POU2AF1: variants seen among roughly 807,000 people sequenced by gnomAD.
The protein encoded by POU2AF1 is POU domain class 2-associating factor 1.
In POU2AF1, 12 loss-of-function variants were observed where a neutral mutation model predicts 26.3. That is an observed-to-expected ratio of 0.46 (90% CI 0.29 to 0.74). The LOEUF is 0.74. Among genes scored for constraint, POU2AF1 ranks in the 30% least tolerant of loss-of-function variants. The probability of loss-of-function intolerance (pLI) is 0.09; values close to 1 mark genes in which losing one functional copy is unlikely to be tolerated. For missense variants in POU2AF1, 297 were observed against 334.5 expected (o/e 0.89, Z 0.87); for synonymous variants, 175 against 148.0 (o/e 1.18, Z -1.32).
At chr11:111,357,745 C>T (rs1451537005) in intron 3 of POU2AF1, 35 bp from the exon 4 acceptor site, 5 of 1,611,938 alleles carry the variant, frequency 3.1e-6, no homozygotes, top group Non-Finnish European at 4.2e-6. Flanking sequence ...ACTTCAGATG[C>T]CACCCAGATG....
intron 1 of POU2AF1, among the ~76,000 whole-genome samples, chr11:111,374,657 T>C (rs190553935): frequency 2.2e-4 from 34 of 152,296 alleles, no homozygotes; most frequent in Non-Finnish European, 4.1e-4. Context: ...CTTGCACCAC[T>C]ACATTGCAGC....
chr11:111,359,831 T>C (rs1345422985), intron 1 of POU2AF1, among the ~76,000 whole-genome samples: 1 of 152,224 alleles, frequency 6.6e-6, no homozygotes, highest in African/African-American at 2.4e-5. Context: ...GCTCAGTTGA[T>C]ACTTATTGAT....
Position 111,357,802 on chromosome 11 carries a change from G to A in POU2AF1, c.183C>T (p.Thr61=), listed in dbSNP as rs748556830. Residue 61 remains threonine, a synonymous_variant, in exon 3 of 5, where the codon ACC becomes ACT. Transcript: ENST00000393067. ...VLPHQPLATY[T]TVGPSCLDME... is the part of the protein sequence containing the mutation. Reference sequence around the variant, plus strand: ...GCTACGGGGCACTCTTACCCACTGTGGTGTAGGTCGCCAGGGGCTGATGGG... The same window carrying A: ...GCTACGGGGCACTCTTACCCACTGTAGTGTAGGTCGCCAGGGGCTGATGGG... 1.9e-6 allele frequency: 3 copies of A among 1,613,040 alleles called. No homozygotes were observed. The highest frequency in any genetic ancestry group is 2.7e-5 in the African/African-American group (2 of 74,896).
In POU2AF1 at chr11:111,368,939, G is replaced by A. The variant is rs147830720; in HGVS notation, c.17-10021C>T. Among the ~76,000 whole-genome samples the A allele has an allele frequency of 1.7e-3, 254 of 152,306 alleles. 2 individuals are homozygous for A. The highest frequency in any genetic ancestry group is 3.2e-3 in the Admixed American group (49 of 15,306). Reference sequence around the variant, plus strand: ...AACAATCCATGGCCCATCTGTCATCGGAGAAGTAGCCTTGGTACAGTGACC... The same window carrying A: ...AACAATCCATGGCCCATCTGTCATCAGAGAAGTAGCCTTGGTACAGTGACC... On this transcript the variant is annotated intron_variant, in intron 1 of 4. Coordinates refer to ENST00000393067, the MANE Select transcript of POU2AF1 (RefSeq NM_006235.3).
In POU2AF1 at chr11:111,363,431, C is replaced by CA. The variant is rs1443095404; in HGVS notation, c.17-4514dup. 131 of 1,013,876 alleles carry CA rather than the reference C, an allele frequency of 1.3e-4. No individual in the cohort carries two copies. In the Middle Eastern group the frequency reaches 1.4e-3, roughly 11 times the overall value. 62.8% of individuals were successfully genotyped at this position (1,013,876 alleles called of 1,614,324 possible). On this transcript the variant is annotated intron_variant, in intron 1 of 4. Coordinates refer to ENST00000393067, the MANE Select transcript of POU2AF1 (RefSeq NM_006235.3). ...AACTTGCAGTTGGTACCTTTCACAC[C>CA]AACCTATGTGCAGCAACAATAAACA...
chr11:111,357,838 C>G lies in POU2AF1; in HGVS notation c.148-1G>C. On this transcript the variant is annotated splice_acceptor_variant, in intron 2 of 4. Transcript: ENST00000393067. LOFTEE classifies it high-confidence loss of function. Reference sequence around the variant, plus strand: ...CCAGGGGCTGATGGGGCAGCACCACCTAGAGGGGAGAGGAGAAGACCAGGG... The same window carrying G: ...CCAGGGGCTGATGGGGCAGCACCACGTAGAGGGGAGAGGAGAAGACCAGGG... 1 of 1,608,418 alleles carries G rather than the reference C, an allele frequency of 6.2e-7. No homozygotes were observed. Among genetic ancestry groups the G allele is most frequent in the Non-Finnish European group, 8.5e-7 (1 of 1,177,994 alleles).
intron 1 of POU2AF1, among the ~76,000 whole-genome samples, chr11:111,366,360 A>G (rs1274161436): frequency 6.6e-6 from 1 of 152,202 alleles, no homozygotes; most frequent in East Asian, 1.9e-4. Context: ...GAGAAAACTG[A>G]CGTTAAAGGT....
chr11:111,379,231 T>A lies in POU2AF1; in HGVS notation c.-54A>T, dbSNP rs563970786. On this transcript the variant is annotated 5_prime_UTR_variant, in exon 1 of 5. Coordinates refer to ENST00000393067, the MANE Select transcript of POU2AF1 (RefSeq NM_006235.3). ...TTTGAAGCCGACAGTTTGGCTTCTT[T>A]AATGTGAGACCGGGGTGTGTTTTCC... 6.2e-7 allele frequency: 1 copy of A among 1,610,970 alleles called. No individual in the cohort carries two copies. The highest frequency in any genetic ancestry group is 1.6e-4 in the Middle Eastern group (1 of 6,072).
intron 1 of POU2AF1, among the ~76,000 whole-genome samples, chr11:111,366,569 C>G (rs777144664): frequency 6.6e-6 from 1 of 152,178 alleles, no homozygotes; most frequent in Non-Finnish European, 1.5e-5. Context: ...GACATGTGCC[C>G]TCCCTGTGTC....
chr11:111,358,320 G>A (rs61896823), intron 2 of POU2AF1, among the ~76,000 whole-genome samples: 52,883 of 113,354 alleles, frequency 0.47, 13,421 homozygotes, highest in Non-Finnish European at 0.58. Context: ...TCTCACACAC[G>A]TACTCTCTCA....
At chr11:111,362,526 T>C (rs1861029643) in intron 1 of POU2AF1, among the ~76,000 whole-genome samples, 1 of 152,200 alleles carries the variant, frequency 6.6e-6, no homozygotes, top group Non-Finnish European at 1.5e-5. Context: ...TTCAATTGTG[T>C]GAATTTGTAG....
intron 1 of POU2AF1, chr11:111,360,055 A>C: frequency 1.9e-6 from 1 of 518,986 alleles, no homozygotes; most frequent in South Asian, 1.4e-5. Context: ...AAAGCCAGGA[A>C]ACCAAAGCAT....
chr11:111,359,005 C>T, intron 1 of POU2AF1, 87 bp from the exon 2 acceptor site: 3 of 1,527,454 alleles, frequency 2.0e-6, no homozygotes, highest in Non-Finnish European at 2.6e-6. Context: ...GATCTGCCTG[C>T]TCCCCTAAGT....
At chr11:111,369,418 G>A (rs953357046) in intron 1 of POU2AF1, among the ~76,000 whole-genome samples, 1 of 152,178 alleles carries the variant, frequency 6.6e-6, no homozygotes, top group Non-Finnish European at 1.5e-5. Flanking sequence ...CTCAGATGCA[G>A]CCCCTTAAGG....
chr11:111,359,620 T>C (rs1299698108), intron 1 of POU2AF1, among the ~76,000 whole-genome samples: 1 of 152,252 alleles, frequency 6.6e-6, no homozygotes, highest in Non-Finnish European at 1.5e-5. Context: ...AGTCACTTGA[T>C]GTGGGAAATT....
At chr11:111,369,511 C>T (rs1861168098) in intron 1 of POU2AF1, among the ~76,000 whole-genome samples, 1 of 152,144 alleles carries the variant, frequency 6.6e-6, no homozygotes, top group Admixed American at 6.5e-5. Flanking sequence ...GGGCTAGAAA[C>T]CTAGGAGCAC....
At chr11:111,360,103 G>T in intron 1 of POU2AF1, 1 of 510,422 alleles carries the variant, frequency 2.0e-6, no homozygotes, top group Non-Finnish European at 3.9e-6. Context: ...GCCCTTCCTG[G>T]CCTGGGAGAG....
Position 111,367,062 on chromosome 11 carries a change from G to T in POU2AF1, c.17-8144C>A, listed in dbSNP as rs371415227. 2.1e-3 allele frequency among the ~76,000 whole-genome samples: 316 copies of T among 152,262 alleles called. 8 individuals carry two copies. In the South Asian group the frequency reaches 0.063, roughly 30 times the overall value. On this transcript the variant is annotated intron_variant, in intron 1 of 4. Coordinates refer to ENST00000393067, the MANE Select transcript of POU2AF1 (RefSeq NM_006235.3). ...GTCCCGCCCCACAACCGCAGGTAGGGGCAGCCAAAGGCCTTGAGTGCGAGA... is the reference window on the plus strand; with the variant it reads ...GTCCCGCCCCACAACCGCAGGTAGGTGCAGCCAAAGGCCTTGAGTGCGAGA...
intron 1 of POU2AF1, among the ~76,000 whole-genome samples, chr11:111,366,067 T>C (rs560702856): frequency 1.3e-5 from 2 of 152,204 alleles, no homozygotes; most frequent in South Asian, 4.2e-4. Flanking sequence ...CAATGGCTGA[T>C]TTTTTTTCCA....
Sources: allele counts gnomAD v4.1 joint callset (sites outside exome capture counted in the v4.1 genomes callset), GRCh38; gene constraint gnomAD v4.1.1; transcripts MANE v1.5; gene names NCBI Gene and HGNC (gene_info 2026-07-23, HGNC 2026-07-21).